CYP20A1: variants seen among roughly 807,000 people sequenced by gnomAD.
CYP20A1 encodes the protein cytochrome P450 family 20 subfamily A member 1.
Under a neutral mutation model 61.4 loss-of-function variants are expected in CYP20A1, and 61 were observed. That is an observed-to-expected ratio of 0.99 (90% CI 0.81 to 1.23). CYP20A1 has a LOEUF of 1.23. Among genes scored for constraint, CYP20A1 ranks in the 50% most tolerant of loss-of-function variants. The pLI is 0.00. For synonymous variants in CYP20A1, 193 were observed against 188.2 expected (o/e 1.03, Z -0.21); for missense variants, 530 against 542.4 (o/e 0.98, Z 0.23).
chr2:203,267,495 C>T (rs2067374375), intron 5 of CYP20A1, among the ~76,000 whole-genome samples: 1 of 148,978 alleles, frequency 6.7e-6, no homozygotes, highest in African/African-American at 2.5e-5. Flanking sequence ...GACCGCACCA[C>T]TGCACTTCAG....
At chr2:203,277,525 T>C (rs1035876269) in intron 6 of CYP20A1, among the ~76,000 whole-genome samples, 1 of 151,860 alleles carries the variant, frequency 6.6e-6, no homozygotes, top group Non-Finnish European at 1.5e-5. Context: ...TATTTAGAGA[T>C]AAATAAAATA....
At chr2:203,283,550 ATTTT>A (rs1267948219) in intron 8 of CYP20A1, among the ~76,000 whole-genome samples, 1 of 112,824 alleles carries the variant, frequency 8.9e-6, no homozygotes, top group African/African-American at 3.4e-5. Context: ...TGTTATATTA[ATTTT>A]TTTTTTTTTT....
intron 11 of CYP20A1, among the ~76,000 whole-genome samples, chr2:203,294,588 C>T (rs141871328): frequency 3.3e-5 from 5 of 151,982 alleles, no homozygotes; most frequent in Admixed American, 6.6e-5. Context: ...GCTTTTCATT[C>T]GCTTTAATCC....
At chr2:203,270,622 A>C (rs748375117) in intron 5 of CYP20A1, among the ~76,000 whole-genome samples, 3 of 151,602 alleles carry the variant, frequency 2.0e-5, no homozygotes, top group Non-Finnish European at 4.4e-5. Flanking sequence ...TACTGTTTTT[A>C]TGTAGCTAAA....
chr2:203,299,041 A>G lies in CYP20A1; in HGVS notation c.*2133A>G, dbSNP rs1467747957. The stretch of plus-strand genomic sequence containing the variant: ...CAGGGCTGAGACCTTGTCTCAAAAA[A>G]AAAAGGAGTATCTTAAGTGTCTTTC... On this transcript the variant is annotated 3_prime_UTR_variant, in exon 13 of 13. Transcript: ENST00000356079. 6.6e-6 allele frequency among the ~76,000 whole-genome samples: 1 copy of G among 152,190 alleles called. No individual in the cohort carries two copies. Among genetic ancestry groups the G allele is most frequent in the South Asian group, 2.1e-4 (1 of 4,826 alleles).
chr2:203,278,333 T>C (rs1322579815), intron 6 of CYP20A1, among the ~76,000 whole-genome samples: 1 of 152,162 alleles, frequency 6.6e-6, no homozygotes, highest in East Asian at 1.9e-4. Flanking sequence ...AGGTGGTTGG[T>C]GGTGATTTAT....
chr2:203,264,262 C>G lies in CYP20A1; in HGVS notation c.433-2252C>G, dbSNP rs1006422512. Among the ~76,000 whole-genome samples the G allele has an allele frequency of 3.3e-5, 5 of 152,066 alleles. No individual in the cohort carries two copies. The East Asian group carries it at 7.7e-4, about 23-fold the overall frequency. ...TTAGCCTCCTAAAGCTCTGGGATTA[C>G]AGGCATGAGCCACCGTGTCTAGCCT... On this transcript the variant is annotated intron_variant, in intron 4 of 12. Transcript: ENST00000356079.
At chr2:203,264,023 A>G (rs994146538) in intron 4 of CYP20A1, among the ~76,000 whole-genome samples, 10 of 151,764 alleles carry the variant, frequency 6.6e-5, no homozygotes, top group African/African-American at 1.9e-4. Context: ...TTTGTTTTAG[A>G]GACATTTCTT....
intron 5 of CYP20A1, among the ~76,000 whole-genome samples, chr2:203,271,077 TATATA>T (rs200262062): frequency 0.021 from 1,605 of 74,984 alleles, 82 homozygotes; most frequent in Non-Finnish European, 0.03. Flanking sequence ...TATATATATA[TATATA>T]TTTTTTTTTT....
At chr2:203,285,447 C>G (rs1191376633) in intron 8 of CYP20A1, among the ~76,000 whole-genome samples, 165 bp from the exon 9 acceptor site, 1 of 152,008 alleles carries the variant, frequency 6.6e-6, no homozygotes, top group African/African-American at 2.4e-5. Context: ...TAATATAAAC[C>G]CTGTGAAGAA....
chr2:203,288,151 C>T (rs540907982), intron 9 of CYP20A1, among the ~76,000 whole-genome samples: 1 of 149,412 alleles, frequency 6.7e-6, no homozygotes, highest in East Asian at 2.0e-4. Context: ...CTGCACCCTC[C>T]ACCTCCTGGG....
intron 8 of CYP20A1, among the ~76,000 whole-genome samples, chr2:203,282,846 A>G (rs991129950): frequency 1.2e-4 from 18 of 152,148 alleles, no homozygotes; most frequent in African/African-American, 4.3e-4. Flanking sequence ...CTTCCAAGTT[A>G]TCTCTAAGCT....
In CYP20A1 at chr2:203,301,172, G is replaced by C. The variant is rs2069004827; in HGVS notation, c.*4264G>C. Among the ~76,000 whole-genome samples, 1 of 148,410 alleles carries C rather than the reference G, an allele frequency of 6.7e-6. No individual in the cohort carries two copies. The highest frequency in any genetic ancestry group is 1.5e-5 in the Non-Finnish European group (1 of 67,156). On this transcript the variant is annotated 3_prime_UTR_variant, in exon 13 of 13. Transcript: ENST00000356079. ...GATTGCACCATTGCACTCCAGCCTG[G>C]GCAAGAAGAGTGAAACTCTATCCAA...
chr2:203,280,046 T>C lies in CYP20A1; in HGVS notation c.796-13T>C, dbSNP rs2067980532. 6.3e-7 allele frequency: 1 copy of C among 1,597,662 alleles called. No individual in the cohort carries two copies. The highest frequency in any genetic ancestry group is 1.3e-5 in the African/African-American group (1 of 74,624). On this transcript the variant is annotated splice_polypyrimidine_tract_variant and intron_variant, in intron 7 of 12. Transcript: ENST00000356079. ...CATTTTTCACACTTTCTAAACTTAG[T>C]TTTGTTTCCTAGATCCTAGAAGACA... is the stretch of plus-strand genomic sequence containing the variant.
intron 6 of CYP20A1, among the ~76,000 whole-genome samples, chr2:203,275,745 T>A (rs1358886044): frequency 6.6e-6 from 1 of 152,208 alleles, no homozygotes; most frequent in Non-Finnish European, 1.5e-5. Context: ...TGGGAATAAT[T>A]TCTCATTTTA....
chr2:203,262,798 C>T (rs1270931774), intron 4 of CYP20A1, among the ~76,000 whole-genome samples: 2 of 151,656 alleles, frequency 1.3e-5, no homozygotes, highest in African/African-American at 2.4e-5. Context: ...ACGCCATTCT[C>T]CTGCCTCAGC....
At chr2:203,245,777 G>A in intron 1 of CYP20A1, 69 bp from the exon 2 acceptor site, 1 of 822,110 alleles carries the variant, frequency 1.2e-6, no homozygotes, top group South Asian at 1.7e-5. Context: ...TCCTGCAGAT[G>A]TGTTGGTGAA....
rs1305786049 is a variant in CYP20A1 at position 203,289,781 on chromosome 2, C to T, written c.988C>T (p.Leu330Phe). The T allele has an allele frequency of 6.4e-7, 1 of 1,562,442 alleles. No individual in the cohort carries two copies. The highest frequency in any genetic ancestry group is 8.7e-7 in the Non-Finnish European group (1 of 1,154,464). Reference sequence around the variant, plus strand: ...TTAAAACAGATATTGTCAGCATGTGCTTTGTGAAACTGTTCGAACTGCCAA... The same window carrying T: ...TTAAAACAGATATTGTCAGCATGTGTTTTGTGAAACTGTTCGAACTGCCAA... ...IEQLRYCQHV[L>F]CETVRTAKLT... The change falls in exon 10 of 13, where the codon CTT (leucine) becomes TTT (phenylalanine). Residue 330 changes from leucine (L) to phenylalanine (F), a missense_variant. Coordinates refer to ENST00000356079, the MANE Select transcript of CYP20A1 (RefSeq NM_177538.3).
chr2:203,250,792 C>T (rs1167618483), intron 3 of CYP20A1, among the ~76,000 whole-genome samples: 1 of 152,054 alleles, frequency 6.6e-6, no homozygotes, highest in Non-Finnish European at 1.5e-5. Context: ...AGGCCGGGTG[C>T]GGTGGCTCAC....
Sources: allele counts gnomAD v4.1 joint callset (sites outside exome capture counted in the v4.1 genomes callset), GRCh38; gene constraint gnomAD v4.1.1; transcripts MANE v1.5; gene names NCBI Gene and HGNC (gene_info 2026-07-23, HGNC 2026-07-21).